CLIP1: variants seen among roughly 807,000 people sequenced by gnomAD.
CLIP1 encodes the protein CAP-Gly domain containing linker protein 1.
CLIP1 carries 66 observed loss-of-function variants against 161.6 expected under a neutral mutation model. That is an observed-to-expected ratio of 0.41 (90% CI 0.33 to 0.50). CLIP1 has a LOEUF of 0.50. Ranked by LOEUF, CLIP1 falls within the 20% of genes least tolerant of loss-of-function variation. CLIP1 has a pLI of 0.27. For missense variants in CLIP1, 1,376 were observed against 1,702.0 expected, an observed-to-expected ratio of 0.81 and a Z score of 3.37; for synonymous variants, 598 against 626.2, an observed-to-expected ratio of 0.96 and a Z score of 0.67.
At chr12:122,336,485 A>G (rs1593099523) in intron 12 of CLIP1, 147 bp downstream of exon 12, 1 of 586,848 alleles carries the variant, frequency 1.7e-6, no homozygotes, top group East Asian at 2.8e-5. Context: ...TCAAAGGACA[A>G]TATTTATCAG....
chr12:122,412,055 AT>A (rs1371054916), intron 1 of CLIP1, among the ~76,000 whole-genome samples: 2 of 93,864 alleles, frequency 2.1e-5, no homozygotes, highest in Non-Finnish European at 4.1e-5. Context: ...ACAACCAGTT[AT>A]TTTCTTTTTT....
At chr12:122,349,905 T>G (rs1952940952) in intron 9 of CLIP1, among the ~76,000 whole-genome samples, 1 of 145,722 alleles carries the variant, frequency 6.9e-6, no homozygotes, top group South Asian at 2.4e-4. Context: ...TTTTTTTTGT[T>G]TTTTTTGTTT....
chr12:122,362,101 A>G (rs1322629969), intron 4 of CLIP1, among the ~76,000 whole-genome samples: 1 of 151,382 alleles, frequency 6.6e-6, no homozygotes, highest in South Asian at 2.1e-4. Flanking sequence ...CTACAGGCAC[A>G]CGCCACCCTG....
chr12:122,422,852 C>T (rs1957007790), upstream of CLIP1, among the ~76,000 whole-genome samples: 1 of 151,376 alleles, frequency 6.6e-6, no homozygotes, highest in African/African-American at 2.4e-5. Flanking sequence ...CCCGGCGCGC[C>T]CGCCGCTCCG....
At chr12:122,300,412 C>G (rs544698516) in intron 20 of CLIP1, among the ~76,000 whole-genome samples, 1 of 151,978 alleles carries the variant, frequency 6.6e-6, no homozygotes, top group Non-Finnish European at 1.5e-5. Context: ...TCGAAGTAAA[C>G]AAAATAAATT....
intron 17 of CLIP1, 141 bp from the exon 18 acceptor site, chr12:122,319,489 C>G: frequency 1.6e-6 from 1 of 633,902 alleles, no homozygotes; most frequent in Non-Finnish European, 2.8e-6. Flanking sequence ...CAGTCACAAT[C>G]CAGTGCTGAA....
intron 20 of CLIP1, among the ~76,000 whole-genome samples, chr12:122,289,458 G>A (rs564774527): frequency 6.6e-6 from 1 of 152,024 alleles, no homozygotes; most frequent in Admixed American, 6.6e-5. Context: ...AAGCTCCACT[G>A]CTAACATTCT....
chr12:122,312,502 G>A (rs1593039603), intron 19 of CLIP1, among the ~76,000 whole-genome samples: 1 of 152,188 alleles, frequency 6.6e-6, no homozygotes, highest in Non-Finnish European at 1.5e-5. Context: ...AGTGGCTCAA[G>A]CCTGTAATCC....
At chr12:122,338,840 TTG>T (rs1192677129) in intron 11 of CLIP1, among the ~76,000 whole-genome samples, 1 of 152,260 alleles carries the variant, frequency 6.6e-6, no homozygotes, top group Non-Finnish European at 1.5e-5. Flanking sequence ...TAATTAATTT[TTG>T]TGTTTTGATT....
At chr12:122,387,583 TATATATA>T (rs1350827688) in intron 1 of CLIP1, among the ~76,000 whole-genome samples, 11 of 4,656 alleles carry the variant, frequency 2.4e-3, no homozygotes, top group Non-Finnish European at 5.4e-3. Context: ...TATATATATA[TATATATA>T]TTTTTTTTTT....
At chr12:122,400,290 A>G (rs1318154013) in intron 1 of CLIP1, 1 of 152,138 alleles carries the variant, frequency 6.6e-6, no homozygotes, top group Admixed American at 6.6e-5. Flanking sequence ...ATTTTCTTCA[A>G]TTCTTGAGTA....
intron 1 of CLIP1, among the ~76,000 whole-genome samples, chr12:122,408,763 C>T (rs1038354334): frequency 6.6e-6 from 1 of 151,952 alleles, no homozygotes; most frequent in Non-Finnish European, 1.5e-5. Flanking sequence ...CCACTGTGCC[C>T]GGCCTATAAC....
chr12:122,357,308 G>A (rs1193551938), intron 5 of CLIP1, among the ~76,000 whole-genome samples: 1 of 151,858 alleles, frequency 6.6e-6, no homozygotes, highest in Non-Finnish European at 1.5e-5. Context: ...TGGGAGGTGA[G>A]GAGCGTCTCT....
In CLIP1 at chr12:122,355,516, G is replaced by A. The variant is rs532170225; in HGVS notation, c.1006-204C>T. On this transcript the variant is annotated intron_variant, in intron 5 of 25. Transcript: ENST00000620786. This position sits in a 1 kb window ranked among gnomAD's most constrained non-coding sequence, Gnocchi z 4.1. ...TAAATCTCACAAAGAATACATCAAC[G>A]TAAAGAGATCAGCCAGGTGCGGTGG... 1.6e-5 allele frequency: 9 copies of A among 561,604 alleles called. No individual in the cohort carries two copies. The highest frequency in any genetic ancestry group is 4.8e-4 in the Middle Eastern group (1 of 2,084). The allele number at this position is 561,604 out of a possible 1,614,324, so 34.8% of individuals were successfully genotyped here.
At position 122,352,983 on chromosome 12, in the gene CLIP1, G is replaced by A. The variant is rs1953120800; in HGVS notation, c.1308-197C>T. 2.7e-5 allele frequency among the ~76,000 whole-genome samples: 4 copies of A among 147,886 alleles called. No homozygotes were observed. In the South Asian group the frequency reaches 8.5e-4, roughly 31 times the overall value. ...AGCTGGGGCAACATAGTGAGACCCA[G>A]TCCTTATATTTAAAAAAAAAAAAAA... On this transcript the variant is annotated intron_variant, in intron 7 of 25. Coordinates refer to ENST00000620786, the MANE Select transcript of CLIP1 (RefSeq NM_001247997.2).
At chr12:122,329,092 G>A (rs759825807) in intron 15 of CLIP1, among the ~76,000 whole-genome samples, 2 of 152,170 alleles carry the variant, frequency 1.3e-5, no homozygotes, top group Non-Finnish European at 2.9e-5. Context: ...CACCCTGGGA[G>A]GCTGAGATGA....
rs1221721791 is a variant in CLIP1 at position 122,323,388 on chromosome 12, T to C, written c.3250-4040A>G. The C allele has an allele frequency of 6.6e-6, 1 of 152,634 alleles. No individual in the cohort carries two copies. Among genetic ancestry groups the C allele is most frequent in the Non-Finnish European group, 1.5e-5 (1 of 68,030 alleles). The allele number at this position is 152,634 out of a possible 1,614,324, so 9.5% of individuals were successfully genotyped here. On this transcript the variant is annotated intron_variant, in intron 17 of 25. Coordinates refer to ENST00000620786, the MANE Select transcript of CLIP1 (RefSeq NM_001247997.2). This position sits in a 1 kb window ranked among gnomAD's most constrained non-coding sequence, Gnocchi z 4.1. ...CTCTCGGAGGCAGCCAAGGTTTCTT[T>C]CTCATGCAGAAGCTGGATGCACTCG...
intron 18 of CLIP1, among the ~76,000 whole-genome samples, chr12:122,318,465 G>A (rs546084139): frequency 2.0e-5 from 3 of 152,104 alleles, no homozygotes; most frequent in Non-Finnish European, 4.4e-5. Flanking sequence ...CCCAGGAGGT[G>A]GAGGTTGCAG....
intron 20 of CLIP1, among the ~76,000 whole-genome samples, chr12:122,296,871 A>C (rs1950489346): frequency 6.6e-6 from 1 of 151,560 alleles, no homozygotes; most frequent in African/African-American, 2.4e-5. Flanking sequence ...CAAAAAAAAA[A>C]AAAAAAAAAA....
Sources: allele counts gnomAD v4.1 joint callset (sites outside exome capture counted in the v4.1 genomes callset), GRCh38; gene constraint gnomAD v4.1.1; non-coding constraint Gnocchi (gnomAD v3.1); transcripts MANE v1.5; gene names NCBI Gene and HGNC (gene_info 2026-07-23, HGNC 2026-07-21).